Variants in CRY1 observed in about 807,000 individuals in gnomAD.
CRY1 encodes cryptochrome circadian regulator 1.
CRY1 carries 45 observed loss-of-function variants against 76.0 expected under a neutral mutation model. The observed-to-expected ratio is 0.59, with a 90% CI of 0.47 to 0.76. The LOEUF (loss-of-function observed/expected upper bound fraction) is 0.76, where lower values mean the gene tolerates loss of function less well. Ranked by LOEUF, CRY1 falls within the 30% of genes least tolerant of loss-of-function variation. CRY1 has a pLI of 0.00. For synonymous variants in CRY1, 248 were observed against 244.0 expected (o/e 1.02, Z -0.15); for missense variants, 587 against 716.4 (o/e 0.82, Z 2.06).
chr12:107,017,799 C>A (rs11615815), intron 2 of CRY1, among the ~76,000 whole-genome samples: 19,208 of 152,176 alleles, frequency 0.13, 2,066 homozygotes, highest in African/African-American at 0.28. Context: ...TATACCACAA[C>A]CCAGATGCAT....
chr12:107,065,944 G>A (rs1451607940), intron 1 of CRY1, among the ~76,000 whole-genome samples: 3 of 152,194 alleles, frequency 2.0e-5, no homozygotes, highest in Admixed American at 6.5e-5. Flanking sequence ...CTCCCATGCA[G>A]TAAAATTATA....
At chr12:107,020,574 CCTT>C (rs2136843051) in intron 2 of CRY1, among the ~76,000 whole-genome samples, 1 of 151,540 alleles carries the variant, frequency 6.6e-6, no homozygotes, top group Non-Finnish European at 1.5e-5. Flanking sequence ...CCTCCCCGCT[CCTT>C]CTCTCTTCCT....
chr12:107,047,683 T>A (rs1262805220), intron 1 of CRY1, among the ~76,000 whole-genome samples: 1 of 152,306 alleles, frequency 6.6e-6, no homozygotes, highest in East Asian at 1.9e-4. Context: ...TAAGGTTTCT[T>A]AAGGCCTCCC....
At chr12:107,064,495 T>C (rs1953087667) in intron 1 of CRY1, among the ~76,000 whole-genome samples, 1 of 152,202 alleles carries the variant, frequency 6.6e-6, no homozygotes, top group Non-Finnish European at 1.5e-5. Context: ...TCAGTGAGAA[T>C]GCAAAATGGT....
intron 2 of CRY1, among the ~76,000 whole-genome samples, chr12:107,014,153 T>C (rs1952473583): frequency 1.3e-5 from 2 of 152,204 alleles, no homozygotes; most frequent in Admixed American, 6.5e-5. Flanking sequence ...TAAAGAAATT[T>C]ACCGGAGGGC....
At position 107,000,094 on chromosome 12, in the gene CRY1, C is replaced by A; in HGVS notation, c.685-12G>T. On this transcript the variant is annotated splice_polypyrimidine_tract_variant and intron_variant, in intron 5 of 12. Coordinates refer to ENST00000008527, the MANE Select transcript of CRY1 (RefSeq NM_004075.5). ...TTTGCCACCCAAGCCTGAAAACACA[C>A]AGAGAAAATTATATTAACTAATTGT... 6.3e-7 allele frequency: 1 copy of A among 1,581,236 alleles called. No individual in the cohort carries two copies.
At chr12:107,025,923 G>C (rs1222024290) in intron 1 of CRY1, among the ~76,000 whole-genome samples, 1 of 150,966 alleles carries the variant, frequency 6.6e-6, no homozygotes, top group Admixed American at 6.6e-5. Flanking sequence ...ATGTGCTCCA[G>C]GGCCTTTCCT....
chr12:107,009,864 T>C (rs1182125472), intron 2 of CRY1, among the ~76,000 whole-genome samples: 1 of 151,960 alleles, frequency 6.6e-6, no homozygotes, highest in Non-Finnish European at 1.5e-5. Flanking sequence ...AAACTTTCCT[T>C]GTCAGGTTGT....
intron 1 of CRY1, among the ~76,000 whole-genome samples, chr12:107,071,455 T>G (rs1402675516): frequency 1.4e-4 from 22 of 152,220 alleles, no homozygotes; most frequent in Non-Finnish European, 1.0e-4. Context: ...TAAAATATGC[T>G]TCTGTATCCT....
chr12:106,997,971 G>A lies in CRY1; in HGVS notation c.1233C>T (p.His411=). ...SCSSFFQQFF[H]CYCPVGFGRR... ...TACCAAAACCAACAGGGCAATAGCA[G>A]TGAAAAAACTGTTGAAAAAAGGAAC... The change falls in exon 8 of 13, where the codon CAC becomes CAT. Residue 411 remains histidine, a synonymous_variant. Coordinates refer to ENST00000008527, the MANE Select transcript of CRY1 (RefSeq NM_004075.5). 1 of 1,614,130 alleles carries A rather than the reference G, an allele frequency of 6.2e-7. No homozygotes were observed. Among genetic ancestry groups the A allele is most frequent in the South Asian group, 1.1e-5 (1 of 91,086 alleles).
rs138096287 is a variant in CRY1, at chr12:107,037,697, T to TTTTA, written c.159-15509_159-15506dup. ...ATATAAATTTGTTTTTTAGAAATTA[T>TTTTA]TTTATTTATTTATTTATTTATTTAT... is the stretch of plus-strand genomic sequence containing the variant. On this transcript the variant is annotated intron_variant, in intron 1 of 12. Coordinates refer to ENST00000008527, the MANE Select transcript of CRY1 (RefSeq NM_004075.5). 5.0e-3 allele frequency among the ~76,000 whole-genome samples: 759 copies of TTTTA among 150,986 alleles called. 7 individuals carry two copies. Among genetic ancestry groups the TTTTA allele is most frequent in the African/African-American group, 0.015 (593 of 40,824 alleles).
At chr12:107,074,491 C>T (rs1252257550) in intron 1 of CRY1, among the ~76,000 whole-genome samples, 2 of 152,086 alleles carry the variant, frequency 1.3e-5, no homozygotes, top group Non-Finnish European at 2.9e-5. Context: ...CAATAGAATT[C>T]TCTTTTTTTT....
chr12:106,994,738 T>C (rs1045168559), intron 10 of CRY1, among the ~76,000 whole-genome samples: 2 of 152,332 alleles, frequency 1.3e-5, no homozygotes, highest in Middle Eastern at 3.4e-3. Flanking sequence ...CATCATTGTG[T>C]ATTAGCCCAA....
chr12:107,000,203 G>C, intron 5 of CRY1, 121 bp from the exon 6 acceptor site: 3 of 950,172 alleles, frequency 3.2e-6, no homozygotes, highest in Non-Finnish European at 4.5e-6. Flanking sequence ...TCTTATCCTA[G>C]CCACAAATTA....
chr12:107,008,948 A>C (rs1255379795), intron 2 of CRY1, among the ~76,000 whole-genome samples: 2 of 152,192 alleles, frequency 1.3e-5, no homozygotes, highest in African/African-American at 4.8e-5. Flanking sequence ...CAGTCACGTG[A>C]AACTGTGAGT....
chr12:107,080,189 TG>T (rs1459878959), intron 1 of CRY1, among the ~76,000 whole-genome samples: 1 of 152,074 alleles, frequency 6.6e-6, no homozygotes, highest in Admixed American at 6.6e-5. Context: ...AATGGGCAAA[TG>T]GAAGTATCAT....
intron 1 of CRY1, among the ~76,000 whole-genome samples, chr12:107,031,895 A>C (rs1380265500): frequency 6.6e-6 from 1 of 152,124 alleles, no homozygotes; most frequent in Non-Finnish European, 1.5e-5. Flanking sequence ...AATCTGAATA[A>C]AGTCTGGAGT....
intron 1 of CRY1, among the ~76,000 whole-genome samples, chr12:107,064,229 T>G (rs541923593): frequency 2.0e-5 from 3 of 152,000 alleles, no homozygotes; most frequent in African/African-American, 7.3e-5. Flanking sequence ...AGAGAGACAA[T>G]ATCCAGAATA....
chr12:107,028,877 T>C (rs1057346178), intron 1 of CRY1, among the ~76,000 whole-genome samples: 4 of 152,222 alleles, frequency 2.6e-5, no homozygotes, highest in African/African-American at 9.6e-5. Flanking sequence ...AAGTACAATC[T>C]TTCCTTTATT....
Sources: gnomAD v4.1 joint callset for allele counts (sites outside exome capture counted in the v4.1 genomes callset) on GRCh38, gnomAD v4.1.1 for gene constraint, MANE v1.5 for transcripts, NCBI Gene and HGNC (gene_info 2026-07-23, HGNC 2026-07-21) for gene names.